Variants in CWF19L2 observed in about 807,000 individuals in gnomAD.
CWF19L2 encodes the protein CWF19 like cell cycle control factor 2.
A neutral mutation model predicts 111.7 loss-of-function variants in CWF19L2; 98 were observed. That is an observed-to-expected ratio of 0.88 (90% CI 0.75 to 1.04). The LOEUF (loss-of-function observed/expected upper bound fraction) is 1.04, where lower values mean the gene tolerates loss of function less well. Among genes scored for constraint, CWF19L2 ranks in the 50% least tolerant of loss-of-function variants. The probability of loss-of-function intolerance (pLI) is 0.00; values close to 1 mark genes in which losing one functional copy is unlikely to be tolerated. For missense variants in CWF19L2, 1,101 were observed against 1,051.4 expected (o/e 1.05, Z -0.65); for synonymous variants, 351 against 342.9 (o/e 1.02, Z -0.26).
chr11:107,428,898 T>C lies in CWF19L2; in HGVS notation c.1334A>G (p.His445Arg). Residue 445 changes from histidine to arginine, a missense_variant, in exon 8 of 18, where the codon CAT becomes CGT. Physicochemically the swap from His to Arg is conservative, Grantham distance 29. Transcript: ENST00000282251. ...TTTTTCTCTTGGGTCTTCTGGAACATGTTGGTGTTCATCAGTACTGGTTTC... is the reference window on the plus strand; with the variant it reads ...TTTTTCTCTTGGGTCTTCTGGAACACGTTGGTGTTCATCAGTACTGGTTTC... ...PSETSTDEHQ[H>R]VPEDPREKSQ... is the part of the protein sequence containing the mutation. 1 of 1,613,684 alleles carries C rather than the reference T, an allele frequency of 6.2e-7. No individual in the cohort carries two copies. Among genetic ancestry groups the C allele is most frequent in the South Asian group, 1.1e-5 (1 of 91,070 alleles).
At chr11:107,359,881 T>C (rs1383494007) in intron 12 of CWF19L2, among the ~76,000 whole-genome samples, 2 of 152,202 alleles carry the variant, frequency 1.3e-5, no homozygotes, top group Non-Finnish European at 2.9e-5. Flanking sequence ...TGAAAAGGCA[T>C]TGTATTGGCT....
chr11:107,410,735 A>T (rs1405179076), intron 10 of CWF19L2, among the ~76,000 whole-genome samples: 1 of 152,148 alleles, frequency 6.6e-6, no homozygotes, highest in African/African-American at 2.4e-5. Context: ...CCGTAGGAGA[A>T]ATGTTATTTA....
Position 107,326,787 on chromosome 11 carries a change from C to T in CWF19L2, c.*123G>A, listed in dbSNP as rs1859766512. The T allele has an allele frequency of 2.7e-6, 2 of 731,030 alleles. No individual in the cohort carries two copies. The highest frequency in any genetic ancestry group is 4.4e-6 in the Non-Finnish European group (2 of 459,376). 45.3% of individuals were successfully genotyped at this position (731,030 alleles called of 1,614,324 possible). Reference sequence around the variant, plus strand: ...TCTCCTGATGTACAGTTGTCACTGACCCAGAGCAGTCTGCTGCTGTGACTC... The same window carrying T: ...TCTCCTGATGTACAGTTGTCACTGATCCAGAGCAGTCTGCTGCTGTGACTC... On this transcript the variant is annotated 3_prime_UTR_variant, in exon 18 of 18. Transcript: ENST00000282251.
Position 107,418,291 on chromosome 11 carries a change from T to C in CWF19L2, c.1434-4A>G, listed in dbSNP as rs775381758. On this transcript the variant is annotated splice_region_variant and splice_polypyrimidine_tract_variant and intron_variant, in intron 8 of 17. Coordinates refer to ENST00000282251, the MANE Select transcript of CWF19L2 (RefSeq NM_152434.3). Reference sequence around the variant, plus strand: ...AATGGACTCACGCTCTGGACTGCTATTGGAATAGGAAAGATTAACAGCATA... The same window carrying C: ...AATGGACTCACGCTCTGGACTGCTACTGGAATAGGAAAGATTAACAGCATA... 3.8e-6 allele frequency: 6 copies of C among 1,594,076 alleles called. No individual in the cohort carries two copies. The highest frequency in any genetic ancestry group is 1.7e-5 in the Admixed American group (1 of 59,972).
chr11:107,358,040 G>C (rs1860264585), intron 12 of CWF19L2, among the ~76,000 whole-genome samples: 1 of 152,148 alleles, frequency 6.6e-6, no homozygotes, highest in Non-Finnish European at 1.5e-5. Flanking sequence ...ATGACAGTGA[G>C]TTAGCCATTT....
chr11:107,401,958 T>C (rs1427113642), intron 10 of CWF19L2, among the ~76,000 whole-genome samples: 1 of 151,766 alleles, frequency 6.6e-6, no homozygotes, highest in Non-Finnish European at 1.5e-5. Flanking sequence ...CTTCGACAAA[T>C]CAAACAAAAA....
chr11:107,328,815 G>A (rs1278709887), intron 17 of CWF19L2, among the ~76,000 whole-genome samples: 2 of 151,988 alleles, frequency 1.3e-5, no homozygotes, highest in African/African-American at 4.8e-5. Context: ...GGATTTTTCA[G>A]AACAGTGAAA....
intron 7 of CWF19L2, among the ~76,000 whole-genome samples, chr11:107,431,016 A>C (rs1861458998): frequency 6.6e-6 from 1 of 151,970 alleles, no homozygotes; most frequent in African/African-American, 2.4e-5. Flanking sequence ...AAAAAATAAA[A>C]TTAAAAAAAA....
chr11:107,417,696 T>G (rs1031019883), intron 9 of CWF19L2, among the ~76,000 whole-genome samples: 8 of 151,782 alleles, frequency 5.3e-5, no homozygotes, highest in African/African-American at 1.9e-4. Context: ...TTCAGAGATC[T>G]GACAGAGAAA....
At chr11:107,419,928 AAAC>A (rs1861280638) in intron 8 of CWF19L2, among the ~76,000 whole-genome samples, 1 of 152,128 alleles carries the variant, frequency 6.6e-6, no homozygotes, top group South Asian at 2.1e-4. Flanking sequence ...AAATATAAAT[AAAC>A]AATGATAAAG....
At chr11:107,367,251 T>C (rs1236698896) in intron 12 of CWF19L2, among the ~76,000 whole-genome samples, 1 of 134,234 alleles carries the variant, frequency 7.4e-6, no homozygotes, top group Non-Finnish European at 1.6e-5. Context: ...AGTTCAACCA[T>C]TGTGGAAGTC....
intron 12 of CWF19L2, among the ~76,000 whole-genome samples, chr11:107,373,787 T>C (rs1860552987): frequency 7.5e-6 from 1 of 133,210 alleles, no homozygotes; most frequent in Admixed American, 7.3e-5. Context: ...TTTGACGAGC[T>C]GAGAGAAGAA....
At chr11:107,442,282 C>A (rs1591207428) in intron 4 of CWF19L2, among the ~76,000 whole-genome samples, 1 of 152,130 alleles carries the variant, frequency 6.6e-6, no homozygotes, top group South Asian at 2.1e-4. Flanking sequence ...CAAAATTATT[C>A]CTAAAGTATA....
chr11:107,383,686 A>G (rs1393314803), intron 12 of CWF19L2, among the ~76,000 whole-genome samples: 1 of 152,194 alleles, frequency 6.6e-6, no homozygotes, highest in Non-Finnish European at 1.5e-5. Flanking sequence ...ATACAACTGG[A>G]AAGAACATAA....
At chr11:107,437,313 A>G (rs984199963) in intron 6 of CWF19L2, among the ~76,000 whole-genome samples, 7 of 152,190 alleles carry the variant, frequency 4.6e-5, no homozygotes, top group African/African-American at 1.7e-4. Flanking sequence ...CACAATTATG[A>G]AGCTAATTAG....
intron 10 of CWF19L2, among the ~76,000 whole-genome samples, chr11:107,406,656 C>T (rs143111226): frequency 2.6e-5 from 4 of 150,972 alleles, no homozygotes; most frequent in Non-Finnish European, 5.9e-5. Context: ...CATACTGTCC[C>T]ACTTTTATAA....
In CWF19L2 at chr11:107,428,817, G is replaced by C. The variant is rs1351104167; in HGVS notation, c.1415C>G (p.Thr472Arg). The C allele has an allele frequency of 8.1e-6, 13 of 1,608,092 alleles. No homozygotes were observed. Among genetic ancestry groups the C allele is most frequent in the Non-Finnish European group, 1.1e-5 (13 of 1,177,970 alleles). The stretch of plus-strand genomic sequence containing the variant: ...AAAATACCCAGCAAATGTAGACTTT[G>C]TATCCCGTAGATGTTCTTTTTTTGG... The part of the protein sequence containing the change: ...DPPKKEHLRD[T>R]KSTFAGSPER... Residue 472 changes from threonine (T) to arginine (R), a missense_variant, in exon 8 of 18, where the codon ACA (threonine) becomes AGA (arginine). Physicochemically the swap from Thr to Arg is moderately conservative, Grantham distance 71. Transcript: ENST00000282251.
At chr11:107,329,470 T>C (rs1859811114) in intron 17 of CWF19L2, among the ~76,000 whole-genome samples, 1 of 152,178 alleles carries the variant, frequency 6.6e-6, no homozygotes, top group Non-Finnish European at 1.5e-5. Flanking sequence ...TACCACTTAT[T>C]AGCGCATTAC....
At chr11:107,334,481 C>G (rs1215522475) in intron 16 of CWF19L2, among the ~76,000 whole-genome samples, 4 of 152,086 alleles carry the variant, frequency 2.6e-5, no homozygotes, top group African/African-American at 4.8e-5. Flanking sequence ...AAATGAGTTC[C>G]AAATTCAAAA....
Sources: gnomAD v4.1 joint callset for allele counts (sites outside exome capture counted in the v4.1 genomes callset) on GRCh38, gnomAD v4.1.1 for gene constraint, MANE v1.5 for transcripts, NCBI Gene and HGNC (gene_info 2026-07-23, HGNC 2026-07-21) for gene names.